Variants in COL5A2 observed in about 807,000 individuals in gnomAD.
The protein encoded by COL5A2 is collagen alpha-2(V) chain.
Under a neutral mutation model 208.2 loss-of-function variants are expected in COL5A2, and 23 were observed. The ratio of observed to expected loss-of-function variants is 0.11; its 90% CI spans 0.08 to 0.16. The LOEUF (loss-of-function observed/expected upper bound fraction) is 0.16. Among genes scored for constraint, COL5A2 ranks in the 10% least tolerant of loss-of-function variants. The pLI, the probability that COL5A2 is intolerant of heterozygous loss-of-function variation, is 1.00. For synonymous variants in COL5A2, 625 were observed against 628.5 expected (o/e 0.99, Z 0.08); for missense variants, 1,590 against 1,956.4 (o/e 0.81, Z 3.53).
At chr2:189,384,697 T>G in the COL5A2 span, among the ~76,000 whole-genome samples, 1 of 152,192 alleles carries the variant, frequency 6.6e-6, no homozygotes, top group Non-Finnish European at 1.5e-5. Flanking sequence ...TTCTGAGAGT[T>G]GTCTCTTCAA....
intron 48 of COL5A2, 146 bp downstream of exon 48, chr2:189,043,005 A>G: frequency 1.3e-6 from 1 of 786,598 alleles, no homozygotes; most frequent in Non-Finnish European, 2.2e-6. Flanking sequence ...ATTGGCAATT[A>G]TCACTTGTTA....
intron 1 of COL5A2, among the ~76,000 whole-genome samples, chr2:189,113,639 T>C (rs966166040): frequency 1.9e-4 from 29 of 148,924 alleles, no homozygotes; most frequent in African/African-American, 6.1e-4. Context: ...ATAATATATG[T>C]TTGTTTATTG....
the COL5A2 span, among the ~76,000 whole-genome samples, chr2:189,234,360 A>C: frequency 6.6e-6 from 1 of 151,740 alleles, no homozygotes; most frequent in Non-Finnish European, 1.5e-5. Context: ...TGTTTACATA[A>C]ACTCAAAGCC....
Position 189,034,157 on chromosome 2 carries a change from G to C in COL5A2, c.4413C>G (p.Arg1471=). Residue 1471 remains arginine (R), a synonymous_variant, in exon 54 of 54, where the codon CGC becomes CGG. Coordinates refer to ENST00000374866, the MANE Select transcript of COL5A2 (RefSeq NM_000393.5). ...VFEYRTQNVA[R]LPIIDLAPVD... ...CAGGAGCAAGATCTATGATGGGCAA[G>C]CGTGCCACATTCTGTGTTCTATATT... 6.2e-7 allele frequency: 1 copy of C among 1,613,994 alleles called. No homozygotes were observed. Among genetic ancestry groups the C allele is most frequent in the East Asian group, 2.2e-5 (1 of 44,882 alleles).
At chr2:189,409,970 A>G in the COL5A2 span, among the ~76,000 whole-genome samples, 1 of 152,220 alleles carries the variant, frequency 6.6e-6, no homozygotes, top group Non-Finnish European at 1.5e-5. Flanking sequence ...TTAATGGAAG[A>G]GAGCAATATG....
chr2:189,393,210 C>T, the COL5A2 span, among the ~76,000 whole-genome samples: 3 of 151,900 alleles, frequency 2.0e-5, no homozygotes, highest in Non-Finnish European at 4.4e-5. Flanking sequence ...AAAAAAATTG[C>T]TTTCAGCTGT....
chr2:189,377,178 G>A, the COL5A2 span, among the ~76,000 whole-genome samples: 4 of 152,168 alleles, frequency 2.6e-5, no homozygotes, highest in African/African-American at 7.2e-5. Context: ...CCCAGGCATG[G>A]TATGGCTTGT....
rs147767226 is a variant in COL5A2, at chr2:189,039,365, G to T, written c.3832C>A (p.Gln1278Lys). Residue 1278 changes from glutamine (Q) to lysine (K), a missense_variant, in exon 51 of 54, where the codon CAG becomes AAG. Gln to Lys is a moderately conservative substitution (Grantham distance 53). Transcript: ENST00000374866. ...TCGGGGCTGCGCATGGTTTCAATCT[G>T]ACTACTGAGTGACTTCAGGGTAGCA... The part of the protein sequence containing the change: ...VHATLKSLSS[Q>K]IETMRSPDGS... 3.7e-6 allele frequency: 6 copies of T among 1,613,956 alleles called. No individual in the cohort carries two copies. In the Admixed American group the frequency reaches 8.3e-5, roughly 22 times the overall value.
chr2:189,416,727 T>TAA, the COL5A2 span, among the ~76,000 whole-genome samples: 1 of 151,918 alleles, frequency 6.6e-6, no homozygotes, highest in African/African-American at 2.4e-5. Flanking sequence ...TAAAATTTTT[T>TAA]AAAAAAATCC....
chr2:189,068,642 T>C (rs2105605043), intron 19 of COL5A2, 144 bp downstream of exon 19: 1 of 680,256 alleles, frequency 1.5e-6, no homozygotes, highest in Non-Finnish European at 2.6e-6. Flanking sequence ...ATTACACATC[T>C]TAGGCATATA....
the COL5A2 span, among the ~76,000 whole-genome samples, chr2:189,436,881 G>A: frequency 6.6e-6 from 1 of 152,126 alleles, no homozygotes; most frequent in African/African-American, 2.4e-5. Context: ...AGAGCATCAG[G>A]AAGAATAGCT....
intron 12 of COL5A2, among the ~76,000 whole-genome samples, chr2:189,083,283 C>T (rs916604553): frequency 6.6e-6 from 1 of 152,116 alleles, no homozygotes; most frequent in Non-Finnish European, 1.5e-5. Context: ...ATTTGAGTGA[C>T]AAGAGACAGG....
At chr2:189,260,274 C>A in the COL5A2 span, among the ~76,000 whole-genome samples, 3,915 of 152,208 alleles carry the variant, frequency 0.026, 177 homozygotes, top group African/African-American at 0.09. Flanking sequence ...AATTCAAAAC[C>A]TTTAGCAAAC....
chr2:189,137,519 C>T (rs1281321393), intron 1 of COL5A2, among the ~76,000 whole-genome samples: 1 of 152,224 alleles, frequency 6.6e-6, no homozygotes, highest in Non-Finnish European at 1.5e-5. Flanking sequence ...TGTAGTCACA[C>T]ATTGTGTATT....
rs368713290 is a variant in COL5A2 at position 189,048,195 on chromosome 2, G to A, written c.3201+14C>T. On this transcript the variant is annotated intron_variant, in intron 45 of 53. Transcript: ENST00000374866. ...CATGACTTTAGATTTTATAATAAGT[G>A]AAATGGCTCTTACACGTTCTCCAAC... is the stretch of plus-strand genomic sequence containing the variant. 3.9e-4 allele frequency: 635 copies of A among 1,611,650 alleles called. No individual in the cohort carries two copies. The highest frequency in any genetic ancestry group is 5.2e-4 in the Non-Finnish European group (618 of 1,177,896).
chr2:189,386,725 G>T, the COL5A2 span, among the ~76,000 whole-genome samples: 1 of 152,110 alleles, frequency 6.6e-6, no homozygotes, highest in Non-Finnish European at 1.5e-5. Flanking sequence ...TGAAAAAAAT[G>T]CTCATCATCA....
At chr2:189,142,234 T>C (rs1687948013) in intron 1 of COL5A2, among the ~76,000 whole-genome samples, 1 of 152,052 alleles carries the variant, frequency 6.6e-6, no homozygotes, top group South Asian at 2.1e-4. Context: ...TCGAACTAGG[T>C]ATATTTAAAC....
the COL5A2 span, among the ~76,000 whole-genome samples, chr2:189,316,332 A>G: frequency 6.6e-6 from 1 of 152,118 alleles, no homozygotes; most frequent in African/African-American, 2.4e-5. Flanking sequence ...GCTGGAGGCC[A>G]TTATCCTTAG....
the COL5A2 span, among the ~76,000 whole-genome samples, chr2:189,276,348 A>T: frequency 6.6e-6 from 1 of 152,176 alleles, no homozygotes; most frequent in Non-Finnish European, 1.5e-5. Context: ...TAACCACCAC[A>T]TGCTATTTAA....
Sources: gnomAD v4.1 joint callset for allele counts (sites outside exome capture counted in the v4.1 genomes callset) on GRCh38, gnomAD v4.1.1 for gene constraint, MANE v1.5 for transcripts, NCBI Gene and HGNC (gene_info 2026-07-23, HGNC 2026-07-21) for gene names.